Variants in GDA observed in about 807,000 individuals in gnomAD.
The protein encoded by GDA is cytoplasmic PSD-95 interactor.
In GDA, 18 loss-of-function variants were observed where a neutral mutation model predicts 59.6. The ratio of observed to expected loss-of-function variants is 0.30; its 90% CI spans 0.21 to 0.45. The LOEUF is 0.45. GDA is among the 20% of genes least tolerant of loss of function. The probability of loss-of-function intolerance (pLI) is 1.00; values close to 1 mark genes in which losing one functional copy is unlikely to be tolerated. For missense variants in GDA, 427 were observed against 552.3 expected (o/e 0.77, Z 2.27); for synonymous variants, 201 against 201.1 (o/e 1.00, Z 0.00).
chr9:72,177,452 T>A (rs1348521994), intron 1 of GDA, among the ~76,000 whole-genome samples: 2 of 152,162 alleles, frequency 1.3e-5, no homozygotes, highest in Admixed American at 6.5e-5. Flanking sequence ...TTATTTCAAA[T>A]TTAAATGCAA....
rs555520570 is a variant in GDA at position 72,235,428 on chromosome 9, CTG to C, written c.988+4249_988+4250del. Among the ~76,000 whole-genome samples, 11 of 152,192 alleles carry C rather than the reference CTG, an allele frequency of 7.2e-5. No homozygotes were observed. The South Asian group carries it at 2.3e-3, about 32-fold the overall frequency. On this transcript the variant is annotated intron_variant, in intron 10 of 13. Coordinates refer to ENST00000358399, the MANE Select transcript of GDA (RefSeq NM_004293.5). ...AATTTTCCAAGTATAATACATAATT[CTG>C]TCTTATAATTTTATTAACAAAACCC...
At chr9:72,173,937 C>T (rs1053554850) in intron 1 of GDA, among the ~76,000 whole-genome samples, 2 of 152,088 alleles carry the variant, frequency 1.3e-5, no homozygotes, top group Non-Finnish European at 2.9e-5. Context: ...CTCTCTGCTC[C>T]TCTCTACACT....
chr9:72,258,975 G>A (rs547743138), downstream of GDA, among the ~76,000 whole-genome samples: 71 of 152,094 alleles, frequency 4.7e-4, no homozygotes, highest in African/African-American at 1.7e-3. Context: ...ATCTCCTCTG[G>A]CTGCAATCAG....
At chr9:72,219,355 A>T in intron 5 of GDA, 124 bp from the exon 6 acceptor site, 1 of 651,974 alleles carries the variant, frequency 1.5e-6, no homozygotes, top group Non-Finnish European at 2.6e-6. Context: ...GTGAGCCGAG[A>T]TCGCACCACT....
intron 1 of GDA, among the ~76,000 whole-genome samples, chr9:72,141,183 CAA>C (rs143442763): frequency 0.015 from 2,261 of 152,188 alleles, 54 homozygotes; most frequent in African/African-American, 0.052. Flanking sequence ...TCCAAAAACA[CAA>C]ACCACACTTC....
chr9:72,219,209 C>T (rs1481661122), intron 5 of GDA, among the ~76,000 whole-genome samples: 1 of 152,014 alleles, frequency 6.6e-6, no homozygotes, highest in African/African-American at 2.4e-5. Context: ...TCAAGACCAT[C>T]CTGGCTAACA....
chr9:72,176,520 C>T (rs920078747), intron 1 of GDA, among the ~76,000 whole-genome samples: 9 of 152,156 alleles, frequency 5.9e-5, no homozygotes, highest in African/African-American at 2.2e-4. Context: ...TAGGGCCTCC[C>T]CTCTCACCCT....
chr9:72,197,988 T>A (rs1833408872), intron 2 of GDA, among the ~76,000 whole-genome samples: 1 of 152,114 alleles, frequency 6.6e-6, no homozygotes, highest in African/African-American at 2.4e-5. Context: ...GGGCCAGGAT[T>A]AGGGTGAGGG....
At chr9:72,129,755 C>T (rs1825962667) in intron 1 of GDA, among the ~76,000 whole-genome samples, 1 of 152,134 alleles carries the variant, frequency 6.6e-6, no homozygotes, top group Non-Finnish European at 1.5e-5. Flanking sequence ...AGAAATGTAA[C>T]TGCCCCAATG....
intron 1 of GDA, 29 bp downstream of exon 1, chr9:72,149,711 C>G (rs3802506): frequency 0.15 from 240,246 of 1,569,186 alleles, 19,732 homozygotes; most frequent in African/African-American, 0.3. Context: ...GAGCGCACTC[C>G]GACGGGCGGG....
At chr9:72,205,400 A>C (rs908999492) in intron 3 of GDA, among the ~76,000 whole-genome samples, 1 of 152,066 alleles carries the variant, frequency 6.6e-6, no homozygotes, top group Non-Finnish European at 1.5e-5. Flanking sequence ...GCACTTCCTG[A>C]ACTTTCTAGT....
At chr9:72,139,140 C>T (rs767331242) in intron 1 of GDA, among the ~76,000 whole-genome samples, 1 of 152,088 alleles carries the variant, frequency 6.6e-6, no homozygotes, top group Non-Finnish European at 1.5e-5. Context: ...ATTTGATGAA[C>T]AGAAATGATC....
chr9:72,163,642 G>A (rs887133993), intron 1 of GDA, among the ~76,000 whole-genome samples: 2 of 151,980 alleles, frequency 1.3e-5, no homozygotes, highest in Non-Finnish European at 2.9e-5. Flanking sequence ...ACAGGTGCCC[G>A]CCACCATGCC....
chr9:72,186,997 G>A (rs1205209009), intron 1 of GDA, among the ~76,000 whole-genome samples: 2 of 152,148 alleles, frequency 1.3e-5, no homozygotes, highest in East Asian at 1.9e-4. Context: ...TCTATGAGTA[G>A]AGACTATGCA....
Position 72,201,154 on chromosome 9 carries a change from T to C in GDA, c.213-1417T>C, listed in dbSNP as rs904547138. On this transcript the variant is annotated intron_variant, in intron 2 of 13. Coordinates refer to ENST00000358399, the MANE Select transcript of GDA (RefSeq NM_004293.5). Reference sequence around the variant, plus strand: ...CATGACAGCCCTATGATGCTACTACTATCTCCATTTTACATAAGGGGAAAC... The same window carrying C: ...CATGACAGCCCTATGATGCTACTACCATCTCCATTTTACATAAGGGGAAAC... Among the ~76,000 whole-genome samples the C allele has an allele frequency of 1.3e-4, 20 of 152,018 alleles. 1 individual carries two copies. The highest frequency in any genetic ancestry group is 1.3e-3 in the Admixed American group (20 of 15,250).
intron 1 of GDA, among the ~76,000 whole-genome samples, chr9:72,160,480 A>G (rs1828482822): frequency 6.6e-6 from 1 of 152,202 alleles, no homozygotes; most frequent in African/African-American, 2.4e-5. Context: ...GGACACATAT[A>G]ATACATAACC....
intron 7 of GDA, among the ~76,000 whole-genome samples, chr9:72,225,040 G>A (rs1330261573): frequency 6.6e-6 from 1 of 152,148 alleles, no homozygotes; most frequent in East Asian, 1.9e-4. Flanking sequence ...CCAGCACTTT[G>A]AGAGGCTGAG....
At chr9:72,170,941 C>A (rs1324086265) in intron 1 of GDA, among the ~76,000 whole-genome samples, 1 of 152,158 alleles carries the variant, frequency 6.6e-6, no homozygotes, top group Non-Finnish European at 1.5e-5. Flanking sequence ...CTCAGCCTCC[C>A]AAGTACCTGG....
At chr9:72,199,994 CTTT>C (rs1271694156) in intron 2 of GDA, among the ~76,000 whole-genome samples, 8 of 119,830 alleles carry the variant, frequency 6.7e-5, no homozygotes, top group Admixed American at 3.4e-4. Context: ...TGAATCCTTT[CTTT>C]TTTTTTTTTT....
Sources: gnomAD v4.1 joint callset for allele counts (sites outside exome capture counted in the v4.1 genomes callset) on GRCh38, gnomAD v4.1.1 for gene constraint, MANE v1.5 for transcripts, NCBI Gene and HGNC (gene_info 2026-07-23, HGNC 2026-07-21) for gene names.